The following NRG1 variants were observed in gnomAD, a reference collection of about 807,000 sequenced individuals.
NRG1 encodes neuregulin 1.
NRG1 carries 18 observed loss-of-function variants against 63.8 expected under a neutral mutation model. The observed-to-expected ratio is 0.28, with a 90% CI of 0.19 to 0.42. The LOEUF (loss-of-function observed/expected upper bound fraction) is 0.42, where lower values mean the gene tolerates loss of function less well. NRG1 is among the 10% of genes least tolerant of loss of function. The pLI is 1.00. For missense variants in NRG1, 762 were observed against 814.7 expected (o/e 0.94, Z 0.79); for synonymous variants, 302 against 301.3 (o/e 1.00, Z -0.02).
intron 1 of NRG1, among the ~76,000 whole-genome samples, chr8:32,246,142 A>G (rs1848575333): frequency 6.6e-6 from 1 of 152,188 alleles, no homozygotes; most frequent in South Asian, 2.1e-4. Flanking sequence ...TTTCTCTAAC[A>G]GTCAGGCAGG....
intron 5 of NRG1, chr8:32,721,861 CT>C: frequency 7.1e-7 from 1 of 1,403,770 alleles, no homozygotes; most frequent in East Asian, 2.8e-5. Flanking sequence ...TGCTCCAGAG[CT>C]TCATCTTCAG....
intron 1 of NRG1, among the ~76,000 whole-genome samples, chr8:32,114,733 T>C (rs1832476151): frequency 6.6e-6 from 1 of 152,190 alleles, no homozygotes; most frequent in Non-Finnish European, 1.5e-5. Context: ...GTCATGTGGA[T>C]TTCTCTGCTC....
chr8:32,664,572 A>G (rs990361367), intron 5 of NRG1, among the ~76,000 whole-genome samples: 1 of 152,092 alleles, frequency 6.6e-6, no homozygotes, highest in Non-Finnish European at 1.5e-5. Context: ...TCTAATCCTC[A>G]CACACACAAA....
At chr8:32,650,824 A>G (rs1421192089) in intron 5 of NRG1, among the ~76,000 whole-genome samples, 2 of 152,318 alleles carry the variant, frequency 1.3e-5, no homozygotes, top group South Asian at 2.1e-4. Context: ...TCATATGTGA[A>G]ACATGCTCTT....
At chr8:32,537,162 T>G (rs1832072702) in intron 1 of NRG1, among the ~76,000 whole-genome samples, 3 of 116,554 alleles carry the variant, frequency 2.6e-5, no homozygotes. Flanking sequence ...CGCCACTGCA[T>G]TCCATCCTCA....
chr8:32,709,709 A>G (rs1164682756), intron 5 of NRG1, among the ~76,000 whole-genome samples: 1 of 152,128 alleles, frequency 6.6e-6, no homozygotes, highest in East Asian at 1.9e-4. Context: ...GTGTGAGCCA[A>G]TGAGCCTGGC....
At chr8:32,381,206 C>T (rs1003397577) in intron 1 of NRG1, among the ~76,000 whole-genome samples, 1 of 152,206 alleles carries the variant, frequency 6.6e-6, no homozygotes, top group African/African-American at 2.4e-5. Context: ...AGCTTGGTGC[C>T]TCCAAGGTAA....
At chr8:32,080,756 TGTGTGTGC>T (rs1340949904) in intron 1 of NRG1, among the ~76,000 whole-genome samples, 30 of 16,146 alleles carry the variant, frequency 1.9e-3, no homozygotes, top group South Asian at 6.8e-3. Context: ...AACCAATTTG[TGTGTGTGC>T]GTGTGTGTGT....
intron 1 of NRG1, among the ~76,000 whole-genome samples, chr8:32,043,375 C>A (rs1223762137): frequency 2.0e-5 from 3 of 151,902 alleles, no homozygotes; most frequent in African/African-American, 4.8e-5. Context: ...AAAATAAAGA[C>A]ATTCTCAGAT....
At chr8:32,763,679 C>G in intron 11 of NRG1, 69 bp from the exon 12 acceptor site, 1 of 1,418,956 alleles carries the variant, frequency 7.0e-7, no homozygotes, top group Non-Finnish European at 9.5e-7. Flanking sequence ...TGAACTCTGT[C>G]CCCTTACCTT....
chr8:31,738,975 G>A (rs914865281), intron 1 of NRG1, among the ~76,000 whole-genome samples: 1 of 151,960 alleles, frequency 6.6e-6, no homozygotes. Flanking sequence ...CGGGGGTTAG[G>A]ACTTTAACAC....
chr8:31,640,006 C>A lies in NRG1; in HGVS notation c.37+575C>A. On this transcript the variant is annotated intron_variant, in intron 1 of 10. Coordinates refer to the NRG1 transcript ENST00000519301. The surrounding 1 kb of genome is among the most constrained non-coding windows in gnomAD (Gnocchi z 6.3). Reference sequence around the variant, plus strand: ...CACCATGAGATGGCGACGCGCCCCGCGCCGCTCCGGGCGTCCCGGCCCCCG... The same window carrying A: ...CACCATGAGATGGCGACGCGCCCCGAGCCGCTCCGGGCGTCCCGGCCCCCG... The A allele has an allele frequency of 8.9e-7, 1 of 1,127,450 alleles. No individual in the cohort carries two copies. Among genetic ancestry groups the A allele is most frequent in the Non-Finnish European group, 1.1e-6 (1 of 922,784 alleles). 69.8% of individuals were successfully genotyped at this position (1,127,450 alleles called of 1,614,324 possible).
At position 32,675,744 on chromosome 8, in the gene NRG1, G is replaced by A. The variant is rs1470646008; in HGVS notation, c.503-52205G>A. Among the ~76,000 whole-genome samples, 3 of 152,144 alleles carry A rather than the reference G, an allele frequency of 2.0e-5. 1 individual carries two copies. Among genetic ancestry groups the A allele is most frequent in the South Asian group, 4.1e-4 (2 of 4,826 alleles). ...TGACCAGGGGGATTGTTAGGAAGAG[G>A]AAGAAAGAGAACTATTACAAACACG... On this transcript the variant is annotated intron_variant, in intron 5 of 11. Transcript: ENST00000356819.
intron 1 of NRG1, among the ~76,000 whole-genome samples, chr8:32,393,507 G>A (rs1397031356): frequency 6.6e-6 from 1 of 152,104 alleles, no homozygotes; most frequent in East Asian, 1.9e-4. Flanking sequence ...CAGTAAACAG[G>A]ATAAAGAAAA....
chr8:32,002,407 T>G (rs893923914), intron 1 of NRG1, among the ~76,000 whole-genome samples: 16 of 152,096 alleles, frequency 1.1e-4, no homozygotes, highest in African/African-American at 3.9e-4. Flanking sequence ...TATAGGCTTA[T>G]GGATATTCAT....
chr8:32,404,454 C>T (rs901129387), intron 1 of NRG1, among the ~76,000 whole-genome samples: 4 of 152,196 alleles, frequency 2.6e-5, no homozygotes, highest in African/African-American at 9.6e-5. Context: ...GGTATGCATT[C>T]GGTTCATGAA....
chr8:31,654,372 T>A (rs894966775), intron 1 of NRG1, among the ~76,000 whole-genome samples: 1 of 152,220 alleles, frequency 6.6e-6, no homozygotes, highest in African/African-American at 2.4e-5. Flanking sequence ...GAGTAGTCTT[T>A]TGTGCATCTG....
chr8:32,575,082 A>T (rs1242590301), intron 1 of NRG1, among the ~76,000 whole-genome samples: 1 of 152,090 alleles, frequency 6.6e-6, no homozygotes, highest in Non-Finnish European at 1.5e-5. Flanking sequence ...CATAAATCCC[A>T]TTCCTTGCTC....
At chr8:31,853,092 G>A (rs546243711) in intron 1 of NRG1, among the ~76,000 whole-genome samples, 103 of 152,046 alleles carry the variant, frequency 6.8e-4, no homozygotes, top group African/African-American at 2.3e-3. Flanking sequence ...TTGGCGATGC[G>A]GGCTCTTTTT....
Sources: gnomAD v4.1 joint callset for allele counts (sites outside exome capture counted in the v4.1 genomes callset) on GRCh38, gnomAD v4.1.1 for gene constraint, Gnocchi (gnomAD v3.1) non-coding constraint, MANE v1.5 for transcripts, NCBI Gene and HGNC (gene_info 2026-07-23, HGNC 2026-07-21) for gene names.